Variants in ZEB1 observed in about 807,000 individuals in gnomAD.
ZEB1 encodes zinc finger E-box binding homeobox 1.
Under a neutral mutation model 84.9 loss-of-function variants are expected in ZEB1, and 21 were observed. That is an observed-to-expected ratio of 0.25 (90% CI 0.18 to 0.36). ZEB1 has a LOEUF of 0.36. Ranked by LOEUF, ZEB1 falls within the 10% of genes least tolerant of loss-of-function variation. The probability of loss-of-function intolerance (pLI) is 1.00; values close to 1 mark genes in which losing one functional copy is unlikely to be tolerated. For synonymous variants in ZEB1, 420 were observed against 471.1 expected (o/e 0.89, Z 1.41); for missense variants, 1,104 against 1,330.2 (o/e 0.83, Z 2.65).
chr10:31,394,972 T>G (rs1214568878), intron 1 of ZEB1, among the ~76,000 whole-genome samples: 1 of 152,182 alleles, frequency 6.6e-6, no homozygotes, highest in Non-Finnish European at 1.5e-5. Flanking sequence ...AACTCCTGGG[T>G]CCTGACTTGG....
At chr10:31,498,466 G>T (rs1473920012) in intron 3 of ZEB1, among the ~76,000 whole-genome samples, 2 of 151,886 alleles carry the variant, frequency 1.3e-5, no homozygotes, top group Non-Finnish European at 2.9e-5. Flanking sequence ...ACTTCTTTAA[G>T]GTGTAAATAG....
At chr10:31,376,344 T>C (rs1230100221) in intron 1 of ZEB1, among the ~76,000 whole-genome samples, 1 of 151,800 alleles carries the variant, frequency 6.6e-6, no homozygotes, top group African/African-American at 2.4e-5. Context: ...AGGTTGTTCA[T>C]TTTGATGTAA....
chr10:31,337,754 C>T (rs759180670), intron 1 of ZEB1, among the ~76,000 whole-genome samples: 2 of 139,464 alleles, frequency 1.4e-5, no homozygotes, highest in African/African-American at 5.6e-5. Context: ...GGCGCAATCT[C>T]GGCTCACTGC....
intron 1 of ZEB1, among the ~76,000 whole-genome samples, chr10:31,427,126 C>T (rs529247285): frequency 3.3e-5 from 5 of 151,194 alleles, no homozygotes; most frequent in Admixed American, 2.0e-4. Flanking sequence ...GCAAGCTTGT[C>T]GTAATTCAAA....
At chr10:31,509,822 CTTAG>C (rs1180920401) in intron 4 of ZEB1, among the ~76,000 whole-genome samples, 1 of 152,180 alleles carries the variant, frequency 6.6e-6, no homozygotes, top group Admixed American at 6.5e-5. Context: ...GAAAACTACT[CTTAG>C]TTAAATAATA....
At chr10:31,354,832 G>A (rs1301125312) in intron 1 of ZEB1, among the ~76,000 whole-genome samples, 1 of 152,150 alleles carries the variant, frequency 6.6e-6, no homozygotes, top group Non-Finnish European at 1.5e-5. Flanking sequence ...CTGCATTATA[G>A]TGATCTTTAA....
At chr10:31,483,494 C>G (rs975808957) in intron 2 of ZEB1, among the ~76,000 whole-genome samples, 1 of 151,910 alleles carries the variant, frequency 6.6e-6, no homozygotes, top group Admixed American at 6.6e-5. Flanking sequence ...TAGAGCAGTG[C>G]AGAGGTAATT....
At chr10:31,493,028 C>A (rs1400972474) in intron 2 of ZEB1, among the ~76,000 whole-genome samples, 4 of 151,876 alleles carry the variant, frequency 2.6e-5, no homozygotes, top group African/African-American at 9.7e-5. Flanking sequence ...TATAATGTCA[C>A]AACAAGCATA....
intron 1 of ZEB1, chr10:31,374,918 A>G (rs1024986475): frequency 3.3e-5 from 5 of 151,774 alleles, no homozygotes; most frequent in African/African-American, 1.2e-4. Context: ...AGGGACACTG[A>G]TTTCCTCAAC....
At chr10:31,468,566 T>A (rs1216980860) in intron 2 of ZEB1, among the ~76,000 whole-genome samples, 1 of 152,082 alleles carries the variant, frequency 6.6e-6, no homozygotes. Context: ...ACTTTGCATC[T>A]CTATAGGAGA....
chr10:31,458,983 C>T (rs2061538429), intron 1 of ZEB1, among the ~76,000 whole-genome samples: 1 of 152,108 alleles, frequency 6.6e-6, no homozygotes, highest in Admixed American at 6.5e-5. Context: ...ATTTAATATA[C>T]TTAACCTATC....
chr10:31,319,147 G>C, upstream of ZEB1: 3 of 863,638 alleles, frequency 3.5e-6, no homozygotes, highest in Admixed American at 2.1e-5. Flanking sequence ...CGGTGGGGAG[G>C]GGGGAGGGGT....
chr10:31,402,091 T>TTTG (rs578068558), intron 1 of ZEB1, among the ~76,000 whole-genome samples: 109 of 151,336 alleles, frequency 7.2e-4, no homozygotes, highest in South Asian at 2.9e-3. Context: ...AAGTCAGTAT[T>TTTG]TTGTTGTTGT....
Position 31,502,622 on chromosome 10 carries a change from T to C in ZEB1, c.484+113T>C, listed in dbSNP as rs1047338495. ...GGGAACATTCTTGAAGACCAAACTTTATTACAGGTGCCTATAGAGAGTAAT... is the reference window on the plus strand; with the variant it reads ...GGGAACATTCTTGAAGACCAAACTTCATTACAGGTGCCTATAGAGAGTAAT... On this transcript the variant is annotated intron_variant, in intron 4 of 8. Transcript: ENST00000424869. The C allele has an allele frequency of 1.2e-5, 15 of 1,295,082 alleles. No individual in the cohort carries two copies. The African/African-American group carries it at 2.2e-4, about 19-fold the overall frequency. 80.2% of individuals were successfully genotyped at this position (1,295,082 alleles called of 1,614,324 possible).
chr10:31,419,126 A>AT (rs774932655), intron 1 of ZEB1, among the ~76,000 whole-genome samples: 8 of 152,152 alleles, frequency 5.3e-5, no homozygotes, highest in Non-Finnish European at 1.2e-4. Flanking sequence ...TCCTGTAACT[A>AT]TAAGCTGTGA....
rs1312530850 is a variant in ZEB1 at position 31,362,366 on chromosome 10, G to C, written c.58+43074G>C. On this transcript the variant is annotated intron_variant, in intron 1 of 8. Transcript: ENST00000424869. Reference sequence around the variant, plus strand: ...GCGCTCCTCACTTCCCAGAGTGTAGGGGGGCCGGGCAGAGGCACTCCTCGC... The same window carrying C: ...GCGCTCCTCACTTCCCAGAGTGTAGCGGGGCCGGGCAGAGGCACTCCTCGC... Among the ~76,000 whole-genome samples, 4 of 147,068 alleles carry C rather than the reference G, an allele frequency of 2.7e-5. 1 individual carries two copies. Among genetic ancestry groups the C allele is most frequent in the East Asian group, 2.1e-4 (1 of 4,830 alleles).
chr10:31,406,272 G>A (rs919776584), intron 1 of ZEB1, among the ~76,000 whole-genome samples: 1 of 152,114 alleles, frequency 6.6e-6, no homozygotes, highest in African/African-American at 2.4e-5. Flanking sequence ...TTGCCACACT[G>A]TCTTCCATAA....
upstream of ZEB1, chr10:31,319,010 A>C: frequency 1.7e-6 from 1 of 582,364 alleles, no homozygotes; most frequent in Non-Finnish European, 3.1e-6. Context: ...CCTCAATTCA[A>C]ATTCAGCAGT....
Position 31,319,247 on chromosome 10 carries a change from C to G in ZEB1, c.13C>G (p.Pro5Ala), listed in dbSNP as rs753301298. MADG[P>A]RCKRRKQANP... ...AAGCGAGAGGATCATGGCGGATGGC[C>G]CCAGGTGTAAGCGCAGAAAGCAGGC... is the stretch of plus-strand genomic sequence containing the variant. Residue 5 changes from proline (P) to alanine (A), a missense_variant, in exon 1 of 9, where the codon CCC becomes GCC. Transcript: ENST00000424869. 1.2e-6 allele frequency: 2 copies of G among 1,609,900 alleles called. No individual in the cohort carries two copies. Among genetic ancestry groups the G allele is most frequent in the East Asian group, 4.5e-5 (2 of 44,638 alleles).
Sources: gnomAD v4.1 joint callset for allele counts (sites outside exome capture counted in the v4.1 genomes callset) on GRCh38, gnomAD v4.1.1 for gene constraint, MANE v1.5 for transcripts, NCBI Gene and HGNC (gene_info 2026-07-23, HGNC 2026-07-21) for gene names.